LRIG1: variants seen among roughly 807,000 people sequenced by gnomAD.
The protein encoded by LRIG1 is leucine-rich repeats and immunoglobulin-like domains protein 1.
LRIG1 carries 48 observed loss-of-function variants against 99.2 expected under a neutral mutation model. That is an observed-to-expected ratio of 0.48 (90% confidence interval 0.38 to 0.62). The LOEUF (loss-of-function observed/expected upper bound fraction) is 0.62. LRIG1 is among the 20% of genes least tolerant of loss of function. The pLI is 0.00. For synonymous variants in LRIG1, 772 were observed against 596.1 expected (o/e 1.29, Z -4.30); for missense variants, 1,646 against 1,434.4 (o/e 1.15, Z -2.38).
intron 1 of LRIG1, among the ~76,000 whole-genome samples, chr3:66,481,463 G>T (rs952325033): frequency 3.3e-5 from 5 of 152,132 alleles, no homozygotes; most frequent in African/African-American, 9.7e-5. Context: ...CTAGGGTGGG[G>T]GGAACCACCT....
intron 1 of LRIG1, among the ~76,000 whole-genome samples, chr3:66,471,826 A>T (rs1027322519): frequency 6.6e-6 from 1 of 152,192 alleles, no homozygotes; most frequent in Admixed American, 6.5e-5. Flanking sequence ...AGTGCTTTGT[A>T]AAGTCCACCA....
intron 2 of LRIG1, among the ~76,000 whole-genome samples, chr3:66,461,260 A>G (rs1700348400): frequency 6.6e-6 from 1 of 152,166 alleles, no homozygotes; most frequent in Non-Finnish European, 1.5e-5. Context: ...AGCTGAGATC[A>G]CGCCACTGCA....
chr3:66,486,231 T>C (rs1700971565), intron 1 of LRIG1, among the ~76,000 whole-genome samples: 1 of 152,168 alleles, frequency 6.6e-6, no homozygotes. Context: ...GGCCCTGTGT[T>C]AAATATTTCA....
intron 3 of LRIG1, among the ~76,000 whole-genome samples, chr3:66,428,543 C>T (rs1437316862): frequency 2.0e-5 from 3 of 152,176 alleles, no homozygotes; most frequent in Non-Finnish European, 4.4e-5. Flanking sequence ...AAGTCCACAG[C>T]TTACGATAAT....
intron 17 of LRIG1, chr3:66,381,075 T>A: frequency 3.3e-6 from 2 of 602,024 alleles, no homozygotes; most frequent in Non-Finnish European, 5.9e-6. Flanking sequence ...GTGTTTACAG[T>A]GAATTTCATA....
intron 12 of LRIG1, among the ~76,000 whole-genome samples, chr3:66,388,615 A>C (rs1701494353): frequency 6.6e-6 from 1 of 152,144 alleles, no homozygotes; most frequent in Non-Finnish European, 1.5e-5. Flanking sequence ...AAGAGGAGCA[A>C]CTCATCACAT....
chr3:66,492,926 A>T lies in LRIG1; in HGVS notation c.218+7264T>A, dbSNP rs188053998. Among the ~76,000 whole-genome samples, 3 of 152,326 alleles carry T rather than the reference A, an allele frequency of 2.0e-5. No homozygotes were observed. In the East Asian group the frequency reaches 5.8e-4, roughly 29 times the overall value. On this transcript the variant is annotated intron_variant, in intron 1 of 18. Transcript: ENST00000273261. ...GCACAAGGAGTGATAGCAAACAGTA[A>T]ACAGCTTTTCAGGTGGCATCCTTGC...
At chr3:66,417,623 A>G (rs548459648) in intron 3 of LRIG1, 1 of 211,428 alleles carries the variant, frequency 4.7e-6, no homozygotes, top group South Asian at 7.9e-5. Flanking sequence ...AGACAGCTCC[A>G]GTCCAACTCT....
chr3:66,466,474 A>G (rs1002533259), intron 1 of LRIG1, among the ~76,000 whole-genome samples: 1 of 152,180 alleles, frequency 6.6e-6, no homozygotes, highest in African/African-American at 2.4e-5. Flanking sequence ...TGCTATCAAC[A>G]TTGCCATTTT....
At chr3:66,493,055 C>G (rs1399184015) in intron 1 of LRIG1, among the ~76,000 whole-genome samples, 1 of 151,742 alleles carries the variant, frequency 6.6e-6, no homozygotes, top group Non-Finnish European at 1.5e-5. Context: ...TTGCATACAA[C>G]TCCACAATTG....
chr3:66,402,504 C>T (rs1575662838), intron 9 of LRIG1, among the ~76,000 whole-genome samples: 1 of 152,206 alleles, frequency 6.6e-6, no homozygotes, highest in Admixed American at 6.5e-5. Context: ...CTCTGCTACT[C>T]ACATCTCCCT....
chr3:66,399,848 G>T (rs969639317), intron 9 of LRIG1, among the ~76,000 whole-genome samples: 1 of 152,214 alleles, frequency 6.6e-6, no homozygotes, highest in African/African-American at 2.4e-5. Context: ...CCCAAAAGAG[G>T]CAAGAAGAGG....
At chr3:66,382,807 G>C (rs1701159593) in intron 15 of LRIG1, among the ~76,000 whole-genome samples, 175 bp downstream of exon 15, 1 of 149,092 alleles carries the variant, frequency 6.7e-6, no homozygotes, top group South Asian at 2.1e-4. Context: ...AAATTTGAGA[G>C]TATTCCTGTT....
intron 3 of LRIG1, among the ~76,000 whole-genome samples, chr3:66,421,075 C>T (rs1299081319): frequency 2.0e-5 from 3 of 152,116 alleles, no homozygotes; most frequent in Admixed American, 1.3e-4. Flanking sequence ...ATAGGAAAAA[C>T]CTGCCCCCAT....
At chr3:66,381,927 G>A (rs928176049) in intron 16 of LRIG1, among the ~76,000 whole-genome samples, 3 of 151,920 alleles carry the variant, frequency 2.0e-5, no homozygotes, top group East Asian at 3.9e-4. Context: ...GTGTAAGACT[G>A]GATCACAGAG....
At chr3:66,402,246 T>C (rs1702086414) in intron 9 of LRIG1, among the ~76,000 whole-genome samples, 1 of 152,142 alleles carries the variant, frequency 6.6e-6, no homozygotes, top group Non-Finnish European at 1.5e-5. Context: ...TCCCGCGTAC[T>C]GACTCTGTGC....
At chr3:66,493,739 T>G (rs1482364689) in intron 1 of LRIG1, among the ~76,000 whole-genome samples, 1 of 151,128 alleles carries the variant, frequency 6.6e-6, no homozygotes, top group African/African-American at 2.4e-5. Flanking sequence ...GAGGCTGCAG[T>G]GAGTCTTGAT....
chr3:66,407,895 G>A (rs1048514711), intron 7 of LRIG1, among the ~76,000 whole-genome samples: 2 of 152,168 alleles, frequency 1.3e-5, no homozygotes, highest in African/African-American at 2.4e-5. Context: ...AGATGACCCC[G>A]CAGCAAGCCA....
intron 10 of LRIG1, 109 bp downstream of exon 10, chr3:66,398,861 A>C: frequency 1.1e-6 from 1 of 891,330 alleles, no homozygotes; most frequent in South Asian, 1.4e-5. Context: ...TGGTGTTTCC[A>C]AATAGCCTGT....
Sources: allele counts gnomAD v4.1 joint callset (sites outside exome capture counted in the v4.1 genomes callset), GRCh38; gene constraint gnomAD v4.1.1; transcripts MANE v1.5; gene names NCBI Gene and HGNC (gene_info 2026-07-23, HGNC 2026-07-21).